Variants in MAP4K5 observed in about 807,000 individuals in gnomAD.
MAP4K5 encodes MAPK/ERK kinase kinase kinase 5.
In MAP4K5, 82 loss-of-function variants were observed where a neutral mutation model predicts 135.6. The observed-to-expected ratio is 0.60, with a 90% CI of 0.51 to 0.73. MAP4K5 has a LOEUF of 0.73. MAP4K5 is among the 30% of genes least tolerant of loss of function. The pLI, the probability that MAP4K5 is intolerant of heterozygous loss-of-function variation, is 0.00. For missense variants in MAP4K5, 907 were observed against 1,010.9 expected (o/e 0.90, Z 1.39); for synonymous variants, 347 against 335.0 (o/e 1.04, Z -0.39).
In MAP4K5 at chr14:50,443,775, G is replaced by A; in HGVS notation, c.1438-5C>T. The A allele has an allele frequency of 6.3e-7, 1 of 1,596,656 alleles. No homozygotes were observed. Among genetic ancestry groups the A allele is most frequent in the Non-Finnish European group, 8.5e-7 (1 of 1,174,602 alleles). On this transcript the variant is annotated splice_polypyrimidine_tract_variant and splice_region_variant and intron_variant, in intron 19 of 32. Coordinates refer to ENST00000682126, the MANE Select transcript of MAP4K5 (RefSeq NM_006575.6). ...AAGGCCATTGATGGCTGGTTTCTAT[G>A]GGAAAAATAAAATTTACTAGTGTAA...
chr14:50,486,562 G>T (rs1040285789), intron 3 of MAP4K5, among the ~76,000 whole-genome samples: 1 of 152,120 alleles, frequency 6.6e-6, no homozygotes, highest in Admixed American at 6.5e-5. Flanking sequence ...TATAGAAAAA[G>T]TATTGCAAAA....
intron 3 of MAP4K5, among the ~76,000 whole-genome samples, chr14:50,498,920 T>C (rs1221620671): frequency 6.6e-6 from 1 of 152,198 alleles, no homozygotes; most frequent in Non-Finnish European, 1.5e-5. Flanking sequence ...AGCTGCTAAA[T>C]ACAGTTGAGA....
Position 50,428,838 on chromosome 14 carries a change from T to C in MAP4K5, c.2234-84A>G, listed in dbSNP as rs191938228. On this transcript the variant is annotated intron_variant, in intron 29 of 32. Transcript: ENST00000682126. ...TTGATATATGTGGATTTTACATGGA[T>C]ATCAAATAATATTCTTAATAAAGTT... The C allele has an allele frequency of 2.1e-5, 15 of 708,412 alleles. No homozygotes were observed. The Admixed American group carries it at 3.8e-4, about 18-fold the overall frequency. The allele number at this position is 708,412 out of a possible 1,614,324, so 43.9% of individuals were successfully genotyped here.
Position 50,435,078 on chromosome 14 carries a change from A to G in MAP4K5, c.1883-13T>C, listed in dbSNP as rs1015902228. Reference sequence around the variant, plus strand: ...TAAGGGTTTCTGACTGGAAAGAAATAAACAAACAAAAAACCCAGACACACT... The same window carrying G: ...TAAGGGTTTCTGACTGGAAAGAAATGAACAAACAAAAAACCCAGACACACT... On this transcript the variant is annotated splice_polypyrimidine_tract_variant and intron_variant, in intron 26 of 32. Coordinates refer to ENST00000682126, the MANE Select transcript of MAP4K5 (RefSeq NM_006575.6). The G allele has an allele frequency of 6.9e-7, 1 of 1,455,112 alleles. No homozygotes were observed. Among genetic ancestry groups the G allele is most frequent in the Non-Finnish European group, 9.6e-7 (1 of 1,044,834 alleles). The allele number at this position is 1,455,112 out of a possible 1,614,324, so 90.1% of individuals were successfully genotyped here.
intron 30 of MAP4K5, among the ~76,000 whole-genome samples, chr14:50,426,619 G>C (rs1595417197): frequency 6.6e-6 from 1 of 152,190 alleles, no homozygotes; most frequent in East Asian, 1.9e-4. Context: ...AGCTACTCAG[G>C]ACGCTGAAAC....
At chr14:50,556,432 G>A (rs569034129) in intron 1 of MAP4K5, among the ~76,000 whole-genome samples, 1 of 151,726 alleles carries the variant, frequency 6.6e-6, no homozygotes, top group African/African-American at 2.4e-5. Context: ...TGTACAGGCT[G>A]GTCTCGAACT....
At chr14:50,492,092 T>C (rs917691719) in intron 3 of MAP4K5, among the ~76,000 whole-genome samples, 3 of 152,214 alleles carry the variant, frequency 2.0e-5, no homozygotes, top group Non-Finnish European at 4.4e-5. Context: ...ATGCTTTTTA[T>C]GTCTACTGTA....
At chr14:50,503,446 T>C (rs1412496268) in intron 3 of MAP4K5, among the ~76,000 whole-genome samples, 1 of 152,114 alleles carries the variant, frequency 6.6e-6, no homozygotes, top group Non-Finnish European at 1.5e-5. Context: ...AAGAGTCTTA[T>C]GATCCTTGCA....
chr14:50,471,297 A>G (rs2036955936), intron 9 of MAP4K5, among the ~76,000 whole-genome samples: 1 of 152,168 alleles, frequency 6.6e-6, no homozygotes, highest in South Asian at 2.1e-4. Flanking sequence ...TCATCAAGGG[A>G]CACATTATTC....
At chr14:50,520,993 T>G (rs2038139449) in intron 2 of MAP4K5, among the ~76,000 whole-genome samples, 1 of 152,034 alleles carries the variant, frequency 6.6e-6, no homozygotes, top group Non-Finnish European at 1.5e-5. Context: ...CAGCTAATTT[T>G]TGTATTTTTC....
intron 23 of MAP4K5, chr14:50,438,490 A>G (rs2036149791): frequency 6.5e-6 from 1 of 154,924 alleles, no homozygotes; most frequent in Admixed American, 6.5e-5. Flanking sequence ...AGATGGAAAT[A>G]CTTAAAAAAG....
intron 32 of MAP4K5, among the ~76,000 whole-genome samples, chr14:50,421,730 G>A (rs2035737741): frequency 6.6e-6 from 1 of 151,910 alleles, no homozygotes; most frequent in African/African-American, 2.4e-5. Flanking sequence ...AATACGAACA[G>A]GGAAGGGAAA....
intron 11 of MAP4K5, among the ~76,000 whole-genome samples, chr14:50,465,102 G>A (rs6572669): frequency 1 from 152,268 of 152,362 alleles, 76,087 homozygotes; most frequent in Non-Finnish European, 1. Flanking sequence ...TTCTTTCCAC[G>A]GTGTGATTTG....
chr14:50,525,340 C>G (rs1022399579), intron 2 of MAP4K5, among the ~76,000 whole-genome samples: 1 of 152,216 alleles, frequency 6.6e-6, no homozygotes, highest in Admixed American at 6.5e-5. Context: ...CCCTTCTCCT[C>G]CTGCCCCTCA....
intron 31 of MAP4K5, 76 bp from the exon 32 acceptor site, chr14:50,423,252 G>T: frequency 6.5e-6 from 4 of 619,196 alleles, no homozygotes; most frequent in Non-Finnish European, 1.2e-5. Flanking sequence ...TTAATTTAGA[G>T]CAATTATTAA....
rs2037160467 is a variant in MAP4K5 at position 50,478,603 on chromosome 14, A to G, written c.379-2297T>C. The stretch of plus-strand genomic sequence containing the variant: ...GGACCAGACATATTTCAGATTTCAG[A>G]TTTTTTAGTACTTGCAGAATATATA... On this transcript the variant is annotated intron_variant, in intron 6 of 32. Transcript: ENST00000682126. Among the ~76,000 whole-genome samples the G allele has an allele frequency of 2.6e-5, 4 of 152,180 alleles. 1 individual carries two copies. The South Asian group carries it at 8.3e-4, about 32-fold the overall frequency.
At chr14:50,491,687 CTT>C (rs777465443) in intron 3 of MAP4K5, among the ~76,000 whole-genome samples, 16 of 137,680 alleles carry the variant, frequency 1.2e-4, no homozygotes, top group East Asian at 2.1e-4. Flanking sequence ...ACTGAACTTT[CTT>C]TTTTTTTTTT....
intron 31 of MAP4K5, among the ~76,000 whole-genome samples, chr14:50,423,684 G>A (rs756121656): frequency 3.9e-5 from 6 of 152,016 alleles, no homozygotes; most frequent in African/African-American, 1.5e-4. Context: ...TAGGAGGATC[G>A]CTTGAGCCCA....
At position 50,486,093 on chromosome 14, in the gene MAP4K5, T is replaced by G. The variant is rs769971724; in HGVS notation, c.257+11A>C. On this transcript the variant is annotated intron_variant, in intron 4 of 32. Coordinates refer to ENST00000682126, the MANE Select transcript of MAP4K5 (RefSeq NM_006575.6). ...AAATACAGAGAGAGATGATGCTTTT[T>G]TTTCTCTTACCTAAGATAACTCCCA... 60 of 1,084,650 alleles carry G rather than the reference T, an allele frequency of 5.5e-5. No homozygotes were observed. Among genetic ancestry groups the G allele is most frequent in the Admixed American group, 1.5e-4 (6 of 41,064 alleles). 67.2% of individuals were successfully genotyped at this position (1,084,650 alleles called of 1,614,324 possible). A position where few individuals can be genotyped will look rare whatever the true frequency, so the allele number is the denominator to read the frequency against.
Sources: gnomAD v4.1 joint callset for allele counts (sites outside exome capture counted in the v4.1 genomes callset) on GRCh38, gnomAD v4.1.1 for gene constraint, MANE v1.5 for transcripts, NCBI Gene and HGNC (gene_info 2026-07-23, HGNC 2026-07-21) for gene names.